The following TRIM21 variants were observed in gnomAD, a reference collection of about 807,000 sequenced individuals.
TRIM21 encodes tripartite motif containing 21, also known as E3 ubiquitin-protein ligase TRIM21.
TRIM21 carries 35 observed loss-of-function variants against 36.1 expected under a neutral mutation model. The observed-to-expected ratio is 0.97, with a 90% confidence interval of 0.74 to 1.28. The LOEUF (loss-of-function observed/expected upper bound fraction) is 1.28, where lower values mean the gene tolerates loss of function less well. Among genes scored for constraint, TRIM21 ranks in the 50% most tolerant of loss-of-function variants. TRIM21 has a pLI of 0.00. For missense variants in TRIM21, 635 were observed against 570.7 expected (o/e 1.11, Z -1.15); for synonymous variants, 256 against 211.5 (o/e 1.21, Z -1.83).
chr11:4,390,913 C>T (rs1184678989), intron 1 of TRIM21, among the ~76,000 whole-genome samples: 1 of 152,208 alleles, frequency 6.6e-6, no homozygotes, highest in East Asian at 1.9e-4. Context: ...TCACCGTATA[C>T]AGAAATCAAA....
At position 4,390,059 on chromosome 11, in the gene TRIM21, A is replaced by G. The variant is rs373050608; in HGVS notation, c.351T>C (p.Ser117=). The change falls in exon 2 of 7, where the codon TCT becomes TCC. Residue 117 remains serine, a synonymous_variant. Coordinates refer to ENST00000254436, the MANE Select transcript of TRIM21 (RefSeq NM_003141.4). ...CCATGGCGTGGTCACGGTGTTTCCG[A>G]GACTGGGCACATACCCAGCAAAGGG... is the stretch of plus-strand genomic sequence containing the variant. ...GKALCWVCAQ[S]RKHRDHAMVP... is the part of the protein sequence containing the mutation. 2 of 1,613,946 alleles carry G rather than the reference A, an allele frequency of 1.2e-6. No individual in the cohort carries two copies. The highest frequency in any genetic ancestry group is 1.7e-6 in the Non-Finnish European group (2 of 1,179,876).
chr11:4,385,952 A>AGG, intron 6 of TRIM21, 99 bp from the exon 7 acceptor site: 1 of 1,275,792 alleles, frequency 7.8e-7, no homozygotes, highest in South Asian at 1.5e-5. Context: ...GGTAAGCATG[A>AGG]GGGGTGAACC....
intron 3 of TRIM21, among the ~76,000 whole-genome samples, chr11:4,389,356 TC>T (rs1481762344): frequency 1.3e-5 from 2 of 152,200 alleles, no homozygotes; most frequent in African/African-American, 4.8e-5. Flanking sequence ...GCTGACGCCA[TC>T]ACACCTCTGA....
intron 4 of TRIM21, among the ~76,000 whole-genome samples, chr11:4,387,619 G>A (rs1318749401): frequency 2.0e-5 from 3 of 152,146 alleles, no homozygotes; most frequent in Non-Finnish European, 4.4e-5. Flanking sequence ...ACTTTGGGAG[G>A]CTGAGGGGGG....
intron 2 of TRIM21, 98 bp downstream of exon 2, chr11:4,389,904 A>G: frequency 6.6e-7 from 1 of 1,526,600 alleles, no homozygotes; most frequent in South Asian, 1.2e-5. Context: ...GGAGAGAGGT[A>G]AACCCCTCCT....
intron 5 of TRIM21, 24 bp from the exon 6 acceptor site, chr11:4,386,281 TCCTGTCTCCTACTCCTATCCCAAAC>T: frequency 6.4e-7 from 1 of 1,571,946 alleles, no homozygotes; most frequent in African/African-American, 1.3e-5. Flanking sequence ...AGTTTGAGAC[TCCTGTCTCCTACTCCTATCCCAAAC>T]CCTAACACTA....
chr11:4,392,995 T>C (rs777917209), intron 1 of TRIM21, among the ~76,000 whole-genome samples: 42 of 152,174 alleles, frequency 2.8e-4, no homozygotes, highest in Non-Finnish European at 1.6e-4. Flanking sequence ...TGCATATATG[T>C]ATGTAGGTGT....
Position 4,385,792 on chromosome 11 carries a change from T to C in TRIM21, c.921A>G (p.Arg307=). 8 of 1,613,558 alleles carry C rather than the reference T, an allele frequency of 5.0e-6. No individual in the cohort carries two copies. The highest frequency in any genetic ancestry group is 5.9e-6 in the Non-Finnish European group (7 of 1,179,758). The change falls in exon 7 of 7, where the codon AGA becomes AGG. Residue 307 remains arginine, a synonymous_variant. Transcript: ENST00000254436. ...GCTGGGTGTCTCCAAGCCTCACTTG[T>C]CTCCGATCTTCTGAAAGTATCAGCC... ...NPWLILSEDR[R]QVRLGDTQQS... is the part of the protein sequence containing the mutation.
intron 1 of TRIM21, 101 bp downstream of exon 1, chr11:4,393,532 G>T (rs2094965736): frequency 6.6e-6 from 1 of 152,544 alleles, no homozygotes; most frequent in Non-Finnish European, 1.5e-5. Flanking sequence ...AAATGGGACC[G>T]GCTCAAGGAT....
intron 4 of TRIM21, among the ~76,000 whole-genome samples, chr11:4,387,302 A>G (rs2094957337): frequency 6.6e-6 from 1 of 151,822 alleles, no homozygotes; most frequent in Admixed American, 6.6e-5. Flanking sequence ...GAGAGGGCAC[A>G]TAGCCCAGCT....
intron 1 of TRIM21, 87 bp downstream of exon 1, chr11:4,393,546 G>A (rs2094965775): frequency 6.5e-6 from 1 of 152,686 alleles, no homozygotes; most frequent in Admixed American, 6.5e-5. Flanking sequence ...CAAGGATGGA[G>A]ACTGGAAGGG....
At position 4,385,816 on chromosome 11, in the gene TRIM21, C is replaced by T. The variant is rs1337998218; in HGVS notation, c.897G>A (p.Trp299Ter). ...ITLDPDTANP[W>*]LILSEDRRQV... ...GTCTCCGATCTTCTGAAAGTATCAG[C>T]CACGGATTGGCTGTGTCTGGATCCA... The change falls in exon 7 of 7, where the codon TGG (tryptophan) becomes TGA (stop). Residue 299 changes from tryptophan to a stop codon, truncating the protein, a stop_gained. Coordinates refer to ENST00000254436, the MANE Select transcript of TRIM21 (RefSeq NM_003141.4). LOFTEE classifies it low-confidence loss of function (END_TRUNC). The T allele has an allele frequency of 6.2e-7, 1 of 1,612,948 alleles. No homozygotes were observed. Among genetic ancestry groups the T allele is most frequent in the Admixed American group, 1.7e-5 (1 of 59,926 alleles).
intron 3 of TRIM21, among the ~76,000 whole-genome samples, 164 bp from the exon 4 acceptor site, chr11:4,388,694 C>G (rs745389616): frequency 5.3e-5 from 8 of 151,892 alleles, no homozygotes; most frequent in Non-Finnish European, 7.4e-5. Context: ...CACACACACA[C>G]AATTTTGCTT....
chr11:4,386,870 G>T, intron 5 of TRIM21, 98 bp downstream of exon 5: 1 of 1,291,840 alleles, frequency 7.7e-7, no homozygotes, highest in South Asian at 1.4e-5. Context: ...GCCAGATGGG[G>T]AAAACTTCAG....
At position 4,390,146 on chromosome 11, in the gene TRIM21, C is replaced by T. The variant is rs1564810588; in HGVS notation, c.264G>A (p.Gln88=). The T allele has an allele frequency of 1.9e-6, 3 of 1,614,054 alleles. No homozygotes were observed. The highest frequency in any genetic ancestry group is 2.2e-5 in the East Asian group (1 of 44,884). The change falls in exon 2 of 7, where the codon CAG becomes CAA. Residue 88 remains glutamine (Q), a synonymous_variant. Coordinates refer to ENST00000254436, the MANE Select transcript of TRIM21 (RefSeq NM_003141.4). The part of the protein sequence containing the change: ...EISQEAREGT[Q]GERCAVHGER... ...CTCCATGCACTGCACACCGTTCCCC[C>T]TGTGTGCCCTCTCTGGCCTCCTGGC...
intron 1 of TRIM21, among the ~76,000 whole-genome samples, chr11:4,393,300 G>T (rs1012947439): frequency 3.9e-4 from 59 of 152,146 alleles, no homozygotes; most frequent in African/African-American, 1.4e-3. Flanking sequence ...CGTCATCCTA[G>T]GTCAGGTGCC....
intron 3 of TRIM21, 131 bp from the exon 4 acceptor site, chr11:4,388,661 G>A: frequency 1.2e-6 from 1 of 814,908 alleles, no homozygotes; most frequent in Non-Finnish European, 2.0e-6. Context: ...ACACACACAT[G>A]CACACGCACA....
chr11:4,387,098 CTCCTTCCTCTGGTCCTA>C, intron 4 of TRIM21, 108 bp from the exon 5 acceptor site: 1 of 1,126,498 alleles, frequency 8.9e-7, no homozygotes, highest in Non-Finnish European at 1.3e-6. Flanking sequence ...CACTGTTCCT[CTCCTTCCTCTGGTCCTA>C]GGCCCCAGAG....
chr11:4,392,393 C>G (rs1590838840), intron 1 of TRIM21, among the ~76,000 whole-genome samples: 1 of 151,920 alleles, frequency 6.6e-6, no homozygotes, highest in Non-Finnish European at 1.5e-5. Context: ...ATGGTAAAAC[C>G]CTGTCTCTAC....
Sources: gnomAD v4.1 joint callset for allele counts (sites outside exome capture counted in the v4.1 genomes callset) on GRCh38, gnomAD v4.1.1 for gene constraint, MANE v1.5 for transcripts, NCBI Gene and HGNC (gene_info 2026-07-23, HGNC 2026-07-21) for gene names.